The following DENND6A variants were observed in gnomAD, a reference collection of about 807,000 sequenced individuals.
DENND6A encodes the protein protein DENND6A.
DENND6A carries 43 observed loss-of-function variants against 95.5 expected under a neutral mutation model. The ratio of observed to expected loss-of-function variants is 0.45; its 90% CI spans 0.35 to 0.58. The LOEUF (loss-of-function observed/expected upper bound fraction) is 0.58, where lower values mean the gene tolerates loss of function less well. Among genes scored for constraint, DENND6A ranks in the 20% least tolerant of loss-of-function variants. DENND6A has a pLI of 0.00. For missense variants in DENND6A, 574 were observed against 736.0 expected (o/e 0.78, Z 2.55); for synonymous variants, 257 against 260.4 (o/e 0.99, Z 0.13).
intron 1 of DENND6A, among the ~76,000 whole-genome samples, chr3:57,676,964 C>T (rs2071719573): frequency 6.6e-6 from 1 of 152,164 alleles, no homozygotes; most frequent in Admixed American, 6.5e-5. Context: ...GCTGGGATTA[C>T]AGGTGTGCAC....
chr3:57,660,972 CAAAAG>C, intron 6 of DENND6A, 133 bp from the exon 7 acceptor site: 3 of 744,540 alleles, frequency 4.0e-6, no homozygotes, highest in Non-Finnish European at 6.0e-6. Flanking sequence ...AGATAAAAGG[CAAAAG>C]AAAAGTCAAA....
chr3:57,641,879 T>G (rs1016824470), intron 11 of DENND6A, 132 bp from the exon 12 acceptor site: 1 of 610,166 alleles, frequency 1.6e-6, no homozygotes, highest in African/African-American at 1.9e-5. Flanking sequence ...ACACATTACA[T>G]ATCAACTACA....
intron 1 of DENND6A, among the ~76,000 whole-genome samples, chr3:57,674,091 C>T (rs947695010): frequency 4.0e-5 from 6 of 150,352 alleles, no homozygotes; most frequent in African/African-American, 1.5e-4. Context: ...TTTAAAAATA[C>T]TGGGAAGCCG....
intron 9 of DENND6A, among the ~76,000 whole-genome samples, chr3:57,653,843 T>C (rs2071263498): frequency 6.6e-6 from 1 of 150,542 alleles, no homozygotes; most frequent in East Asian, 1.9e-4. Flanking sequence ...TTTTTTTTTT[T>C]AGTACCACAT....
At chr3:57,676,209 C>A (rs1471044781) in intron 1 of DENND6A, among the ~76,000 whole-genome samples, 1 of 151,934 alleles carries the variant, frequency 6.6e-6, no homozygotes, top group African/African-American at 2.4e-5. Context: ...GAAACCATGT[C>A]TCTACTAAAA....
intron 15 of DENND6A, 39 bp downstream of exon 15, chr3:57,633,226 A>C (rs2070723757): frequency 6.5e-7 from 1 of 1,535,552 alleles, no homozygotes; most frequent in South Asian, 1.1e-5. Context: ...ACCCTTCACC[A>C]AATCATTAAA....
chr3:57,634,585 A>C lies in DENND6A; in HGVS notation c.1236T>G (p.Asp412Glu), dbSNP rs539348479. 7 of 1,448,732 alleles carry C rather than the reference A, an allele frequency of 4.8e-6. No homozygotes were observed. The highest frequency in any genetic ancestry group is 1.4e-5 in the African/African-American group (1 of 69,752). The allele number at this position is 1,448,732 out of a possible 1,614,324, so 89.7% of individuals were successfully genotyped here. ...YTSYKPYLNR[D>E]EEIIKQLQKG... ...TCTGTAATTGTTTTATGATCTCTTC[A>C]TCTCTATTTAAATATGGCTTATATG... The change falls in exon 14 of 20, where the codon GAT becomes GAG. Residue 412 changes from aspartate to glutamate, a missense_variant. Physicochemically the swap from Asp to Glu is conservative, Grantham distance 45 (BLOSUM62 2). This residue lies in a region of DENND6A where 452 missense variants were observed against 630.9 expected (regional missense o/e 0.72). Transcript: ENST00000311128.
At chr3:57,686,093 G>C (rs75379991) in intron 1 of DENND6A, among the ~76,000 whole-genome samples, 2,051 of 152,118 alleles carry the variant, frequency 0.013, 51 homozygotes, top group African/African-American at 0.046. Context: ...ATGATAAGAA[G>C]AACAAAATAA....
At position 57,626,958 on chromosome 3, in the gene DENND6A, A is replaced by C. The variant is rs2070543993; in HGVS notation, c.*1256T>G. On this transcript the variant is annotated 3_prime_UTR_variant, in exon 20 of 20. Transcript: ENST00000311128. ...AAAAATAAAACGCTACCAAACAAAT[A>C]ATGCCAGAAATCAATCTTATCATCA... The C allele has an allele frequency of 6.6e-6, 1 of 152,240 alleles. No homozygotes were observed. The highest frequency in any genetic ancestry group is 1.5e-5 in the Non-Finnish European group (1 of 68,030). The allele number at this position is 152,240 out of a possible 1,614,324, so 9.4% of individuals were successfully genotyped here. A position where few individuals can be genotyped will look rare whatever the true frequency, so the allele number is the denominator to read the frequency against.
chr3:57,656,872 C>T (rs1295329626), intron 9 of DENND6A, among the ~76,000 whole-genome samples: 5 of 152,150 alleles, frequency 3.3e-5, no homozygotes, highest in Admixed American at 6.5e-5. Flanking sequence ...GCAGGAGAAT[C>T]GCTTGAACCT....
intron 14 of DENND6A, among the ~76,000 whole-genome samples, chr3:57,633,963 A>T (rs1332538483): frequency 2.0e-5 from 3 of 151,696 alleles, no homozygotes; most frequent in African/African-American, 4.8e-5. Context: ...TATTTACATT[A>T]AAAAAAATGG....
At chr3:57,636,494 C>G (rs976630940) in intron 12 of DENND6A, among the ~76,000 whole-genome samples, 2 of 152,050 alleles carry the variant, frequency 1.3e-5, no homozygotes, top group African/African-American at 4.8e-5. Flanking sequence ...AAATATGATA[C>G]AGAGAAATGA....
At chr3:57,667,136 A>C (rs1028951780) in intron 3 of DENND6A, among the ~76,000 whole-genome samples, 8 of 152,082 alleles carry the variant, frequency 5.3e-5, no homozygotes, top group Middle Eastern at 3.4e-3. Context: ...TCAAGAGATT[A>C]TCCTGCCTCA....
intron 1 of DENND6A, among the ~76,000 whole-genome samples, chr3:57,687,658 T>G (rs2077222900): frequency 6.6e-6 from 1 of 152,128 alleles, no homozygotes; most frequent in African/African-American, 2.4e-5. Flanking sequence ...GACAGCCAGG[T>G]GTGGTCGCTC....
At chr3:57,692,658 G>T in intron 1 of DENND6A, 124 bp downstream of exon 1, 1 of 864,790 alleles carries the variant, frequency 1.2e-6, no homozygotes. Context: ...CGGGAGGGGA[G>T]ACTGGCCACG....
chr3:57,634,648 C>A, intron 13 of DENND6A, 26 bp from the exon 14 acceptor site: 1 of 1,482,988 alleles, frequency 6.7e-7, no homozygotes, highest in Non-Finnish European at 9.0e-7. Context: ...AGAAGGTAAA[C>A]AAAAAAACCC....
chr3:57,677,209 G>A (rs1236064962), intron 1 of DENND6A, among the ~76,000 whole-genome samples: 1 of 152,070 alleles, frequency 6.6e-6, no homozygotes, highest in Non-Finnish European at 1.5e-5. Flanking sequence ...GATATGTAAG[G>A]CTCTAATGGT....
At position 57,646,374 on chromosome 3, in the gene DENND6A, G is replaced by C; in HGVS notation, c.883C>G (p.Leu295Val). 1.9e-6 allele frequency: 3 copies of C among 1,614,038 alleles called. No homozygotes were observed. The highest frequency in any genetic ancestry group is 1.7e-6 in the Non-Finnish European group (2 of 1,180,008). The part of the protein sequence containing the change: ...LWELVLLGEP[L>V]VVMAPSPSES... ...GATGGTGATGGCGCCATAACCACAA[G>C]GGGCTCCCCCAACAGCACCAGCTCC... The change falls in exon 10 of 20, where the codon CTT (leucine) becomes GTT (valine). Residue 295 changes from leucine to valine, a missense_variant. Leu to Val is a conservative substitution (Grantham distance 32). Transcript: ENST00000311128.
intron 11 of DENND6A, among the ~76,000 whole-genome samples, chr3:57,643,346 T>A (rs1383802908): frequency 1.3e-5 from 2 of 152,150 alleles, no homozygotes; most frequent in Non-Finnish European, 2.9e-5. Context: ...AGTTTGCACA[T>A]GTTTAGTTTC....
Sources: allele counts gnomAD v4.1 joint callset (sites outside exome capture counted in the v4.1 genomes callset), GRCh38; gene constraint gnomAD v4.1.1; regional missense constraint gnomAD v4.1.1; transcripts MANE v1.5; gene names NCBI Gene and HGNC (gene_info 2026-07-23, HGNC 2026-07-21).